The following VAV3 variants were observed in gnomAD, a reference collection of about 807,000 sequenced individuals.
The protein encoded by VAV3 is guanine nucleotide exchange factor VAV3.
In VAV3, 94 loss-of-function variants were observed where a neutral mutation model predicts 131.2. That is an observed-to-expected ratio of 0.72 (90% CI 0.61 to 0.85). VAV3 has a LOEUF of 0.85. Ranked by LOEUF, VAV3 falls within the 40% of genes least tolerant of loss-of-function variation. VAV3 has a pLI of 0.00. For missense variants in VAV3, 939 were observed against 1,002.7 expected, an observed-to-expected ratio of 0.94 and a Z score of 0.86; for synonymous variants, 349 against 342.0, an observed-to-expected ratio of 1.02 and a Z score of -0.22.
At chr1:107,801,846 C>G (rs1328108906) in intron 2 of VAV3, among the ~76,000 whole-genome samples, 1 of 152,074 alleles carries the variant, frequency 6.6e-6, no homozygotes, top group African/African-American at 2.4e-5. Flanking sequence ...TTTCTTTTAA[C>G]AGAACAATAT....
Position 107,954,775 on chromosome 1 carries a change from GA to G in VAV3, c.204+9890del, listed in dbSNP as rs552558801. 3.8e-3 allele frequency among the ~76,000 whole-genome samples: 573 copies of G among 150,730 alleles called. 3 individuals are homozygous for G. The highest frequency in any genetic ancestry group is 6.8e-3 in the Middle Eastern group (2 of 294). ...ACAGGAAAATACCATGGGAGGGGGG[GA>G]AATTCATTGCAGTCCTCATCGCAGT... On this transcript the variant is annotated intron_variant, in intron 1 of 26. Transcript: ENST00000370056.
chr1:107,614,788 G>T (rs1328205), intron 21 of VAV3, among the ~76,000 whole-genome samples: 54,095 of 151,994 alleles, frequency 0.36, 9,964 homozygotes, highest in Middle Eastern at 0.42. Context: ...TACTTTGTGC[G>T]AGACTATCCC....
chr1:107,603,077 T>C lies in VAV3; in HGVS notation c.2102A>G (p.Lys701Arg). ...NSTYLVRHRT[K>R]ESGEYAISIK... ...GCTAATTGCATATTCTCCTGACTCT[T>C]TGGTCCTGTGCCTCACAAGGTAAGT... is the stretch of plus-strand genomic sequence containing the variant. The change falls in exon 23 of 27, where the codon AAA becomes AGA. Residue 701 changes from lysine (K) to arginine (R), a missense_variant. Physicochemically the swap from Lys to Arg is conservative, Grantham distance 26 (BLOSUM62 2). Transcript: ENST00000370056. 5 of 1,613,580 alleles carry C rather than the reference T, an allele frequency of 3.1e-6. No individual in the cohort carries two copies. The highest frequency in any genetic ancestry group is 4.2e-6 in the Non-Finnish European group (5 of 1,179,720).
intron 2 of VAV3, among the ~76,000 whole-genome samples, chr1:107,799,737 T>C (rs1666736049): frequency 6.6e-6 from 1 of 152,174 alleles, no homozygotes; most frequent in South Asian, 2.1e-4. Flanking sequence ...GAAATGTACA[T>C]AGAGTCATGC....
intron 5 of VAV3, among the ~76,000 whole-genome samples, chr1:107,772,343 T>C (rs575571245): frequency 9.9e-5 from 15 of 152,164 alleles, no homozygotes; most frequent in Non-Finnish European, 2.1e-4. Context: ...AAATACTCTT[T>C]AATATATATT....
intron 9 of VAV3, among the ~76,000 whole-genome samples, chr1:107,761,228 A>C (rs747307662): frequency 3.9e-5 from 6 of 151,942 alleles, no homozygotes; most frequent in Admixed American, 2.0e-4. Context: ...TCTCTACTGA[A>C]AATACAAAAA....
chr1:107,791,606 T>C (rs1186047912), intron 2 of VAV3, among the ~76,000 whole-genome samples: 1 of 152,158 alleles, frequency 6.6e-6, no homozygotes, highest in Non-Finnish European at 1.5e-5. Flanking sequence ...GTCTAGACCT[T>C]ACCTTCAGAG....
intron 1 of VAV3, among the ~76,000 whole-genome samples, chr1:107,885,776 A>G (rs577694934): frequency 3.7e-4 from 57 of 152,268 alleles, no homozygotes; most frequent in Admixed American, 1.8e-3. Context: ...TGATGGTGCA[A>G]GGTTCTAACC....
At chr1:107,693,956 G>C (rs1415157886) in intron 17 of VAV3, among the ~76,000 whole-genome samples, 1 of 152,084 alleles carries the variant, frequency 6.6e-6, no homozygotes, top group African/African-American at 2.4e-5. Context: ...GGGTCTGTAA[G>C]TCAGCAACCC....
At chr1:107,719,317 G>A (rs995547636) in intron 15 of VAV3, among the ~76,000 whole-genome samples, 2 of 152,170 alleles carry the variant, frequency 1.3e-5, no homozygotes, top group South Asian at 4.1e-4. Context: ...ATCTGACAAA[G>A]GGCTAATGTC....
At chr1:107,830,584 C>T (rs1157058160) in intron 2 of VAV3, among the ~76,000 whole-genome samples, 1 of 152,170 alleles carries the variant, frequency 6.6e-6, no homozygotes, top group African/African-American at 2.4e-5. Context: ...CAGCATGACC[C>T]TATAAAACAT....
chr1:107,785,609 G>T, intron 2 of VAV3: 1 of 1,150,240 alleles, frequency 8.7e-7, no homozygotes. Context: ...CACAGATGTT[G>T]CATCCTGGTT....
At chr1:107,925,072 G>C (rs1274222875) in intron 1 of VAV3, among the ~76,000 whole-genome samples, 1 of 152,224 alleles carries the variant, frequency 6.6e-6, no homozygotes, top group African/African-American at 2.4e-5. Context: ...ATGGGACAAT[G>C]TGGATATGTC....
intron 2 of VAV3, among the ~76,000 whole-genome samples, chr1:107,799,109 T>C (rs969923484): frequency 3.3e-5 from 5 of 152,214 alleles, no homozygotes; most frequent in Non-Finnish European, 5.9e-5. Flanking sequence ...CCTTACTGTT[T>C]CCTATGATAA....
intron 1 of VAV3, among the ~76,000 whole-genome samples, chr1:107,894,684 A>G (rs1359155798): frequency 1.3e-5 from 2 of 152,248 alleles, no homozygotes; most frequent in African/African-American, 4.8e-5. Flanking sequence ...GCAGATATAA[A>G]TATTATAGGG....
chr1:107,932,035 C>T (rs1283624395), intron 1 of VAV3, among the ~76,000 whole-genome samples: 1 of 152,340 alleles, frequency 6.6e-6, no homozygotes, highest in African/African-American at 2.4e-5. Flanking sequence ...CTCTCACACC[C>T]ATACAGGCAA....
In VAV3 at chr1:107,874,937, C is replaced by T; in HGVS notation, c.285G>A (p.Glu95=). 1 of 1,613,280 alleles carries T rather than the reference C, an allele frequency of 6.2e-7. No individual in the cohort carries two copies. Among genetic ancestry groups the T allele is most frequent in the Non-Finnish European group, 8.5e-7 (1 of 1,179,540 alleles). Residue 95 remains glutamate, a synonymous_variant, in exon 2 of 27, where the codon GAG becomes GAA. Coordinates refer to ENST00000370056, the MANE Select transcript of VAV3 (RefSeq NM_006113.5). ...TFGMRKSELF[E]AFDLFDVRDF... ...CACGAACATCAAACAAGTCAAATGC[C>T]TCGAAAAGTTCACTTTTCCTCATTC...
At chr1:107,836,137 A>G (rs902261665) in intron 2 of VAV3, among the ~76,000 whole-genome samples, 1 of 152,248 alleles carries the variant, frequency 6.6e-6, no homozygotes, top group East Asian at 1.9e-4. Flanking sequence ...CAGAAACCTA[A>G]CAAAGAAATT....
chr1:107,745,433 G>A (rs1165079707), intron 15 of VAV3, among the ~76,000 whole-genome samples: 3 of 151,934 alleles, frequency 2.0e-5, no homozygotes, highest in Non-Finnish European at 4.4e-5. Context: ...GTGGGTCACT[G>A]CTACTTTTCT....
Sources: gnomAD v4.1 joint callset for allele counts (sites outside exome capture counted in the v4.1 genomes callset) on GRCh38, gnomAD v4.1.1 for gene constraint, MANE v1.5 for transcripts, NCBI Gene and HGNC (gene_info 2026-07-23, HGNC 2026-07-21) for gene names.